GRIP2: variants seen among roughly 807,000 people sequenced by gnomAD.
GRIP2 encodes the protein glutamate receptor-interacting protein 2.
A neutral mutation model predicts 108.3 loss-of-function variants in GRIP2; 58 were observed. The ratio of observed to expected loss-of-function variants is 0.54; its 90% CI spans 0.43 to 0.67. The LOEUF is 0.67. Among genes scored for constraint, GRIP2 ranks in the 30% least tolerant of loss-of-function variants. GRIP2 has a pLI of 0.00. For missense variants in GRIP2, 1,278 were observed against 1,430.6 expected (o/e 0.89, Z 1.72); for synonymous variants, 586 against 598.2 (o/e 0.98, Z 0.30).
the GRIP2 span, among the ~76,000 whole-genome samples, chr3:14,582,175 T>G: frequency 6.6e-6 from 1 of 152,240 alleles, no homozygotes; most frequent in Non-Finnish European, 1.5e-5. Context: ...GTGCAAACAC[T>G]TGGCATTGTC....
the GRIP2 span, among the ~76,000 whole-genome samples, chr3:14,568,151 G>C: frequency 1.8e-4 from 28 of 152,310 alleles, no homozygotes; most frequent in African/African-American, 6.7e-4. Context: ...AGGGAGGTGG[G>C]AGCCATGGGA....
the GRIP2 span, among the ~76,000 whole-genome samples, chr3:14,582,718 T>G: frequency 6.6e-6 from 1 of 152,212 alleles, no homozygotes; most frequent in Non-Finnish European, 1.5e-5. Flanking sequence ...CAGGAAGTCT[T>G]CTCCGAGCAT....
upstream of GRIP2, among the ~76,000 whole-genome samples, chr3:14,542,336 T>G (rs1694990254): frequency 6.7e-6 from 1 of 148,462 alleles, no homozygotes; most frequent in African/African-American, 2.5e-5. Flanking sequence ...ACATTTTTTG[T>G]AGTGATGAGG....
intron 1 of GRIP2, among the ~76,000 whole-genome samples, chr3:14,534,404 T>G (rs1694784890): frequency 2.0e-5 from 3 of 152,132 alleles, no homozygotes; most frequent in African/African-American, 7.2e-5. Context: ...TCTCTCCCAC[T>G]CTCTCTTTTT....
chr3:14,585,230 C>T, the GRIP2 span, among the ~76,000 whole-genome samples: 1 of 152,200 alleles, frequency 6.6e-6, no homozygotes, highest in Non-Finnish European at 1.5e-5. Context: ...ACCATATTGA[C>T]CAGGCTGATC....
chr3:14,508,140 C>G (rs1025344584), intron 17 of GRIP2, among the ~76,000 whole-genome samples: 1 of 152,234 alleles, frequency 6.6e-6, no homozygotes, highest in Admixed American at 6.5e-5. Context: ...AGCAGACACC[C>G]TTGGTAGCCA....
chr3:14,556,142 G>A (rs1440701291), upstream of GRIP2: 1 of 395,850 alleles, frequency 2.5e-6, no homozygotes, highest in Non-Finnish European at 4.4e-6. Flanking sequence ...GGCATTGGTG[G>A]CGGCAAGGCC....
Position 14,493,004 on chromosome 3 carries a change from G to A in GRIP2, c.*661C>T, listed in dbSNP as rs1701370232. Reference sequence around the variant, plus strand: ...CCAACTTAAGAGTCTCATAAGTGGGGACCAGATTCTGGGAATCTCAGAATC... The same window carrying A: ...CCAACTTAAGAGTCTCATAAGTGGGAACCAGATTCTGGGAATCTCAGAATC... On this transcript the variant is annotated 3_prime_UTR_variant, in exon 24 of 24. Coordinates refer to ENST00000621039, the MANE Select transcript of GRIP2 (RefSeq NM_001080423.4). 6.6e-6 allele frequency: 1 copy of A among 152,202 alleles called. No homozygotes were observed. Among genetic ancestry groups the A allele is most frequent in the Non-Finnish European group, 1.5e-5 (1 of 68,036 alleles). 9.4% of individuals were successfully genotyped at this position (152,202 alleles called of 1,614,324 possible). A position where few individuals can be genotyped will look rare whatever the true frequency, so the allele number is the denominator to read the frequency against.
At chr3:14,596,820 A>G in the GRIP2 span, among the ~76,000 whole-genome samples, 1 of 151,890 alleles carries the variant, frequency 6.6e-6, no homozygotes, top group South Asian at 2.1e-4. Context: ...GACTCACTGC[A>G]GCTTCAACCT....
At chr3:14,544,520 G>A (rs1312641456), upstream of GRIP2, among the ~76,000 whole-genome samples, 1 of 152,202 alleles carries the variant, frequency 6.6e-6, no homozygotes, top group Non-Finnish European at 1.5e-5. Flanking sequence ...CCAGGGCTGA[G>A]TCCGTCATAA....
chr3:14,592,102 C>T, the GRIP2 span, among the ~76,000 whole-genome samples: 1 of 152,316 alleles, frequency 6.6e-6, no homozygotes, highest in South Asian at 2.1e-4. Flanking sequence ...ATGTAAATGG[C>T]CACGTGAATG....
At chr3:14,573,916 A>G in the GRIP2 span, 1 of 1,126,156 alleles carries the variant, frequency 8.9e-7, no homozygotes, top group East Asian at 2.5e-5. Flanking sequence ...TGCATGCAGC[A>G]GGCCGAGTGC....
intron 1 of GRIP2, among the ~76,000 whole-genome samples, chr3:14,555,211 G>T (rs1695217006): frequency 6.6e-6 from 1 of 152,130 alleles, no homozygotes; most frequent in Non-Finnish European, 1.5e-5. Context: ...GAGCCAGGCA[G>T]CCTTCACCTA....
chr3:14,594,795 T>C, the GRIP2 span, among the ~76,000 whole-genome samples: 1 of 152,222 alleles, frequency 6.6e-6, no homozygotes, highest in Non-Finnish European at 1.5e-5. Context: ...ATCTGAAAAG[T>C]GAGATTAAGT....
At chr3:14,579,619 A>G in the GRIP2 span, among the ~76,000 whole-genome samples, 55 of 151,976 alleles carry the variant, frequency 3.6e-4, no homozygotes, top group Non-Finnish European at 5.7e-4. Context: ...GTCTCCCACC[A>G]AGATGAGAAC....
At chr3:14,574,401 C>G in the GRIP2 span, 5 of 788,240 alleles carry the variant, frequency 6.3e-6, no homozygotes, top group Non-Finnish European at 1.1e-5. Context: ...CTGTCGGAGC[C>G]GCACCTTGGG....
At chr3:14,572,343 G>A in the GRIP2 span, among the ~76,000 whole-genome samples, 1 of 151,988 alleles carries the variant, frequency 6.6e-6, no homozygotes, top group Non-Finnish European at 1.5e-5. Context: ...GCCGGGCGTG[G>A]TGGCTCACGC....
intron 1 of GRIP2, among the ~76,000 whole-genome samples, chr3:14,530,234 G>A (rs922347137): frequency 6.6e-6 from 1 of 152,104 alleles, no homozygotes; most frequent in South Asian, 2.1e-4. Flanking sequence ...TTATGCCGGG[G>A]TCTCAGTACC....
intron 5 of GRIP2, chr3:14,523,409 T>C: frequency 1.7e-6 from 1 of 586,584 alleles, no homozygotes; most frequent in South Asian, 2.2e-5. Flanking sequence ...CCGGTACAAC[T>C]TTCTCCTCTC....
Sources: allele counts gnomAD v4.1 joint callset (sites outside exome capture counted in the v4.1 genomes callset), GRCh38; gene constraint gnomAD v4.1.1; transcripts MANE v1.5; gene names NCBI Gene and HGNC (gene_info 2026-07-23, HGNC 2026-07-21).